Variants in CMSS1 observed in about 807,000 individuals in gnomAD.
The protein encoded by CMSS1 is cms1 ribosomal small subunit homolog.
Under a neutral mutation model 43.5 loss-of-function variants are expected in CMSS1, and 33 were observed. The ratio of observed to expected loss-of-function variants is 0.76; its 90% CI spans 0.57 to 1.01. CMSS1 has a LOEUF of 1.01. Among genes scored for constraint, CMSS1 ranks in the 50% least tolerant of loss-of-function variants. CMSS1 has a pLI of 0.00. For missense variants in CMSS1, 313 were observed against 326.4 expected, an observed-to-expected ratio of 0.96 and a Z score of 0.32; for synonymous variants, 115 against 117.2, an observed-to-expected ratio of 0.98 and a Z score of 0.12.
At chr3:100,053,855 CT>C (rs1439679893) in intron 1 of CMSS1, among the ~76,000 whole-genome samples, 1 of 152,182 alleles carries the variant, frequency 6.6e-6, no homozygotes, top group Non-Finnish European at 1.5e-5. Context: ...AAACTGCCCC[CT>C]GGGGCCAGAT....
intron 1 of CMSS1, among the ~76,000 whole-genome samples, chr3:100,076,651 A>G (rs918684159): frequency 6.6e-6 from 1 of 152,170 alleles, no homozygotes; most frequent in East Asian, 1.9e-4. Context: ...CTCACTGTGT[A>G]CTTTACTGTT....
chr3:100,112,807 T>G (rs780822072), intron 1 of CMSS1, among the ~76,000 whole-genome samples: 16 of 152,258 alleles, frequency 1.1e-4, no homozygotes, highest in Non-Finnish European at 1.5e-5. Context: ...CAAACAGCTC[T>G]TACAGTATTT....
At chr3:99,989,683 TA>T (rs58562934) in intron 1 of CMSS1, among the ~76,000 whole-genome samples, 85,730 of 134,352 alleles carry the variant, frequency 0.64, 25,062 homozygotes, top group East Asian at 0.75. Flanking sequence ...TATATATATA[TA>T]TTTTTTTTCT....
At chr3:99,991,453 CT>C (rs1200942161) in intron 1 of CMSS1, among the ~76,000 whole-genome samples, 1 of 151,864 alleles carries the variant, frequency 6.6e-6, no homozygotes, top group African/African-American at 2.4e-5. Context: ...TTAAATCTAT[CT>C]TTTTTATGTT....
intron 1 of CMSS1, among the ~76,000 whole-genome samples, chr3:99,883,242 C>T (rs1705786708): frequency 6.6e-6 from 1 of 152,198 alleles, no homozygotes; most frequent in Non-Finnish European, 1.5e-5. Context: ...AAGTCCATTC[C>T]ATTCCAAACT....
intron 1 of CMSS1, among the ~76,000 whole-genome samples, chr3:99,828,507 A>G (rs2107480607): frequency 6.8e-6 from 1 of 146,062 alleles, no homozygotes; most frequent in South Asian, 2.2e-4. Context: ...TCTGGAGTGC[A>G]GTGGTGTGAT....
chr3:99,924,508 GT>G, intron 1 of CMSS1: 11 of 1,220,140 alleles, frequency 9.0e-6, no homozygotes, highest in South Asian at 2.7e-5. Context: ...TCGGCAGTGG[GT>G]TTTTTTGGTT....
At chr3:100,081,703 G>A (rs777794896) in intron 1 of CMSS1, among the ~76,000 whole-genome samples, 2 of 151,974 alleles carry the variant, frequency 1.3e-5, no homozygotes, top group Non-Finnish European at 2.9e-5. Flanking sequence ...CATCAATACA[G>A]GTAAATAGTA....
intron 1 of CMSS1, among the ~76,000 whole-genome samples, chr3:100,123,169 G>C (rs1192551268): frequency 6.6e-6 from 1 of 152,222 alleles, no homozygotes; most frequent in African/African-American, 2.4e-5. Flanking sequence ...AGAACTGGGG[G>C]AGTGAGCGAA....
At chr3:99,953,750 A>T (rs1708243854) in intron 1 of CMSS1, among the ~76,000 whole-genome samples, 1 of 152,188 alleles carries the variant, frequency 6.6e-6, no homozygotes, top group African/African-American at 2.4e-5. Context: ...CTTTCCTAGA[A>T]ACTCAGTCTA....
At chr3:100,003,936 G>T (rs1410079340) in intron 1 of CMSS1, among the ~76,000 whole-genome samples, 1 of 152,122 alleles carries the variant, frequency 6.6e-6, no homozygotes, top group Non-Finnish European at 1.5e-5. Context: ...GTCTTCTCAG[G>T]TTGTATTCAA....
chr3:99,930,805 C>CAGGT, intron 1 of CMSS1: 1 of 1,613,100 alleles, frequency 6.2e-7, no homozygotes, highest in Non-Finnish European at 8.5e-7. Context: ...GGAGAAATAA[C>CAGGT]AGGTCATCTC....
chr3:100,115,908 C>T (rs956467179), intron 1 of CMSS1, among the ~76,000 whole-genome samples: 2 of 152,102 alleles, frequency 1.3e-5, no homozygotes, highest in East Asian at 1.9e-4. Flanking sequence ...CTTGTCTCTA[C>T]GTTCCTTCAA....
chr3:100,013,365 T>C (rs1437781791), intron 1 of CMSS1, among the ~76,000 whole-genome samples: 1 of 152,078 alleles, frequency 6.6e-6, no homozygotes, highest in African/African-American at 2.4e-5. Context: ...TGCCTCAGCC[T>C]CCTGAGTAGC....
chr3:99,866,435 G>A (rs1279824473), intron 1 of CMSS1, among the ~76,000 whole-genome samples: 1 of 152,118 alleles, frequency 6.6e-6, no homozygotes, highest in East Asian at 1.9e-4. Flanking sequence ...AGATGCCTAT[G>A]TTTTACTGTG....
At chr3:99,868,443 C>T (rs1944626951) in intron 1 of CMSS1, among the ~76,000 whole-genome samples, 2 of 152,188 alleles carry the variant, frequency 1.3e-5, no homozygotes, top group South Asian at 2.1e-4. Context: ...AGCCCAGCAG[C>T]ACCAGATGAT....
chr3:99,875,436 A>G (rs1187527875), intron 1 of CMSS1, among the ~76,000 whole-genome samples: 1 of 152,202 alleles, frequency 6.6e-6, no homozygotes, highest in African/African-American at 2.4e-5. Flanking sequence ...CATTTTTCCA[A>G]TGCCTGGACT....
intron 1 of CMSS1, among the ~76,000 whole-genome samples, chr3:99,938,084 C>CGT: frequency 6.6e-6 from 1 of 151,616 alleles, no homozygotes; most frequent in Middle Eastern, 3.4e-3. Flanking sequence ...TGCGCGCGCG[C>CGT]GCGCGCGTGC....
At chr3:100,158,172 A>C (rs1227958574) in intron 2 of CMSS1, among the ~76,000 whole-genome samples, 6 of 152,150 alleles carry the variant, frequency 3.9e-5, no homozygotes, top group African/African-American at 1.4e-4. Flanking sequence ...TGGTATTTTG[A>C]GGTCCATTTG....
Sources: allele counts gnomAD v4.1 joint callset (sites outside exome capture counted in the v4.1 genomes callset), GRCh38; gene constraint gnomAD v4.1.1; transcripts MANE v1.5; gene names NCBI Gene and HGNC (gene_info 2026-07-23, HGNC 2026-07-21).